The following TDP1 variants were observed in gnomAD, a reference collection of about 807,000 sequenced individuals.
The protein encoded by TDP1 is tyr-DNA phosphodiesterase 1.
Under a neutral mutation model 81.5 loss-of-function variants are expected in TDP1, and 64 were observed. The ratio of observed to expected loss-of-function variants is 0.79; its 90% CI spans 0.64 to 0.97. The LOEUF (loss-of-function observed/expected upper bound fraction) is 0.97. Ranked by LOEUF, TDP1 falls within the 50% of genes least tolerant of loss-of-function variation. The pLI is 0.00. For synonymous variants in TDP1, 256 were observed against 264.3 expected (o/e 0.97, Z 0.30); for missense variants, 723 against 743.8 (o/e 0.97, Z 0.33).
chr14:90,019,093 A>G, intron 14 of TDP1: 1 of 984,520 alleles, frequency 1.0e-6, no homozygotes, highest in Non-Finnish European at 1.2e-6. Flanking sequence ...GAAAATGCAG[A>G]TGAGGGTGAA....
At chr14:90,015,203 T>A (rs1323097078) in intron 14 of TDP1, among the ~76,000 whole-genome samples, 1 of 152,134 alleles carries the variant, frequency 6.6e-6, no homozygotes, top group Non-Finnish European at 1.5e-5. Flanking sequence ...AGCTGAGACA[T>A]AAACTGCTCC....
chr14:90,016,881 C>G (rs1427883541), intron 14 of TDP1, among the ~76,000 whole-genome samples: 3 of 152,170 alleles, frequency 2.0e-5, no homozygotes. Context: ...CTCCAGAGTT[C>G]TACCCTAATG....
In TDP1 at chr14:90,026,032, C is replaced by T. The variant is rs138128973; in HGVS notation, c.1644+6614C>T. Among the ~76,000 whole-genome samples the T allele has an allele frequency of 2.6e-5, 4 of 152,338 alleles. No individual in the cohort carries two copies. The East Asian group carries it at 7.7e-4, about 29-fold the overall frequency. On this transcript the variant is annotated intron_variant, in intron 15 of 16. Coordinates refer to ENST00000335725, the MANE Select transcript of TDP1 (RefSeq NM_018319.4). ...CAGGTGTCCCTGTGCTGGTCTCAGC[C>T]TCTTCTGAGCCCCAGGGTCACTTGG...
intron 14 of TDP1, among the ~76,000 whole-genome samples, chr14:90,005,190 G>T (rs1273343924): frequency 6.6e-6 from 1 of 152,126 alleles, no homozygotes; most frequent in African/African-American, 2.4e-5. Flanking sequence ...ATTTGTTTCT[G>T]CTTTCTAGGC....
Position 89,963,192 on chromosome 14 carries a change from C to G in TDP1, c.78C>G (p.Asp26Glu). The change falls in exon 3 of 17, where the codon GAC becomes GAG. Residue 26 changes from aspartate (D) to glutamate (E), a missense_variant. Coordinates refer to ENST00000335725, the MANE Select transcript of TDP1 (RefSeq NM_018319.4). ...GTGAGGAAGAAAAGCCAAAACCAGA[C>G]AAGCCATCTACCTCTTCTCTTCTCT... ...DESEEEKPKP[D>E]KPSTSSLLCA... 2 of 1,614,120 alleles carry G rather than the reference C, an allele frequency of 1.2e-6. No individual in the cohort carries two copies. Among genetic ancestry groups the G allele is most frequent in the South Asian group, 2.2e-5 (2 of 91,084 alleles).
intron 2 of TDP1, chr14:89,958,369 G>A (rs80153327): frequency 0.098 from 15,005 of 152,336 alleles, 1,942 homozygotes; most frequent in African/African-American, 0.3. Context: ...ATGAGGTTAG[G>A]CTGACAACCG....
intron 14 of TDP1, among the ~76,000 whole-genome samples, chr14:90,004,045 A>T (rs1464906970): frequency 1.3e-5 from 2 of 152,160 alleles, no homozygotes; most frequent in Non-Finnish European, 2.9e-5. Flanking sequence ...ATTAGCTGGT[A>T]TGCTTCATGT....
chr14:90,005,851 T>C (rs754615963), intron 14 of TDP1, among the ~76,000 whole-genome samples: 76 of 152,268 alleles, frequency 5.0e-4, no homozygotes, highest in Non-Finnish European at 8.5e-4. Flanking sequence ...TATAGTATTC[T>C]AAATACCAAT....
Position 89,984,514 on chromosome 14 carries a change from A to G in TDP1, c.885-2A>G, listed in dbSNP as rs746754799. On this transcript the variant is annotated splice_acceptor_variant, in intron 8 of 16. Coordinates refer to ENST00000335725, the MANE Select transcript of TDP1 (RefSeq NM_018319.4). LOFTEE classifies it high-confidence loss of function. ...TGTTAAAGGTTATTTTTTTAATTCC[A>G]GAATATGGTTGAGCCCCTTATACCC... 1 of 1,614,088 alleles carries G rather than the reference A, an allele frequency of 6.2e-7. No individual in the cohort carries two copies. The highest frequency in any genetic ancestry group is 1.1e-5 in the South Asian group (1 of 91,082).
chr14:90,029,498 C>CTTTTTT (rs551041373), intron 15 of TDP1, among the ~76,000 whole-genome samples: 1 of 122,806 alleles, frequency 8.1e-6, no homozygotes, highest in African/African-American at 3.3e-5. Flanking sequence ...CGCACCCGGC[C>CTTTTTT]TTTTTTTTTT....
At chr14:89,999,129 A>G (rs567378828) in intron 14 of TDP1, among the ~76,000 whole-genome samples, 1 of 152,286 alleles carries the variant, frequency 6.6e-6, no homozygotes, top group African/African-American at 2.4e-5. Context: ...GTTATACAAG[A>G]TTGTCCCATG....
intron 14 of TDP1, among the ~76,000 whole-genome samples, chr14:89,995,332 A>C (rs1211237846): frequency 6.6e-6 from 1 of 152,226 alleles, no homozygotes; most frequent in African/African-American, 2.4e-5. Context: ...GCTGCCTACT[A>C]TCATGCAGTA....
At chr14:90,035,733 C>CTTTT (rs543354253) in intron 16 of TDP1, among the ~76,000 whole-genome samples, 22 of 139,050 alleles carry the variant, frequency 1.6e-4, no homozygotes, top group African/African-American at 4.5e-4. Context: ...CCTTTTCTTC[C>CTTTT]TTTTTTTTTT....
chr14:89,989,021 T>TA lies in TDP1; in HGVS notation c.1251dup (p.Glu418ArgfsTer46). 1 of 1,614,166 alleles carries TA rather than the reference T, an allele frequency of 6.2e-7. No individual in the cohort carries two copies. The highest frequency in any genetic ancestry group is 8.5e-7 in the Non-Finnish European group (1 of 1,179,988). On this transcript the variant is annotated frameshift_variant, in exon 11 of 17. Transcript: ENST00000335725. LOFTEE classifies it high-confidence loss of function. The stretch of plus-strand genomic sequence containing the variant: ...AATCAAAGTGGTTATGTTCTGAGTT[T>TA]AAAGAGAGCATGCTGACACTGGGGA...
chr14:89,959,077 G>A (rs1892021938), intron 2 of TDP1, among the ~76,000 whole-genome samples: 1 of 152,172 alleles, frequency 6.6e-6, no homozygotes, highest in Admixed American at 6.5e-5. Flanking sequence ...GGATTGGAAT[G>A]GAAAGGGAAG....
At chr14:89,962,367 C>T (rs1892421779) in intron 2 of TDP1, among the ~76,000 whole-genome samples, 1 of 152,074 alleles carries the variant, frequency 6.6e-6, no homozygotes, top group Non-Finnish European at 1.5e-5. Context: ...TCACTGAAGT[C>T]CTGTGGGTGC....
At chr14:89,998,372 T>TTTTATATATA (rs1555390517) in intron 14 of TDP1, among the ~76,000 whole-genome samples, 6 of 53,148 alleles carry the variant, frequency 1.1e-4, no homozygotes, top group African/African-American at 4.9e-4. Context: ...TCCAAGCACA[T>TTTTATATATA]TATATATATA....
At position 89,963,325 on chromosome 14, in the gene TDP1, GT is replaced by G. The variant is rs1892554140; in HGVS notation, c.215del (p.Leu72TyrfsTer38). ...TGTGAAATTCAGCAATACAGATTCAGTTTTACCTCCCAAAAGGCAGAAAAGC... is the reference window on the plus strand; with the variant it reads ...TGTGAAATTCAGCAATACAGATTCAGTTTACCTCCCAAAAGGCAGAAAAGC... ...SPVKFSNTDS[V>X]LPPKRQKSGS... On this transcript the variant is annotated frameshift_variant, in exon 3 of 17. Transcript: ENST00000335725. LOFTEE classifies it high-confidence loss of function. The G allele has an allele frequency of 6.2e-7, 1 of 1,614,064 alleles. No individual in the cohort carries two copies. The highest frequency in any genetic ancestry group is 8.5e-7 in the Non-Finnish European group (1 of 1,180,050).
chr14:89,956,988 T>G (rs901211096), intron 2 of TDP1, 188 bp downstream of exon 2: 1 of 152,156 alleles, frequency 6.6e-6, no homozygotes, highest in African/African-American at 2.4e-5. Context: ...CTTTAACAAG[T>G]CTTCTCCCCT....
Sources: gnomAD v4.1 joint callset for allele counts (sites outside exome capture counted in the v4.1 genomes callset) on GRCh38, gnomAD v4.1.1 for gene constraint, MANE v1.5 for transcripts, NCBI Gene and HGNC (gene_info 2026-07-23, HGNC 2026-07-21) for gene names.